The following PGLYRP4 variants were observed in gnomAD, a reference collection of about 807,000 sequenced individuals.
PGLYRP4 encodes the protein peptidoglycan recognition protein 4.
Under a neutral mutation model 41.2 loss-of-function variants are expected in PGLYRP4, and 39 were observed. The ratio of observed to expected loss-of-function variants is 0.95; its 90% confidence interval spans 0.73 to 1.24. The LOEUF is 1.24. PGLYRP4 is among the 50% of genes most tolerant of loss of function. The pLI is 0.00. For missense variants in PGLYRP4, 467 were observed against 460.7 expected (o/e 1.01, Z -0.13); for synonymous variants, 202 against 186.8 (o/e 1.08, Z -0.66).
intron 8 of PGLYRP4, among the ~76,000 whole-genome samples, chr1:153,334,478 T>TTTTATATATATATATATATTTA (rs1557823249): frequency 1.6e-5 from 2 of 122,264 alleles, no homozygotes; most frequent in Non-Finnish European, 3.6e-5. Flanking sequence ...TTATATATAT[T>TTTTATATATATATATATATTTA]TATATATATA....
At position 153,337,292 on chromosome 1, in the gene PGLYRP4, C is replaced by T. The variant is rs1430296979; in HGVS notation, c.832G>A (p.Val278Met). Residue 278 changes from valine (V) to methionine (M), a missense_variant, in exon 8 of 9, where the codon GTG becomes ATG. By Grantham distance (21) the Val-to-Met change is conservative. Transcript: ENST00000359650. Reference sequence around the variant, plus strand: ...TCATAAATGGCGCCATCCTGGCCCACCAGGAAGCTAGAGGACCACAAGGGG... The same window carrying T: ...TCATAAATGGCGCCATCCTGGCCCATCAGGAAGCTAGAGGACCACAAGGGG... ...KSCDIGYNFL[V>M]GQDGAIYEGV... is the part of the protein sequence containing the mutation. The T allele has an allele frequency of 1.2e-6, 2 of 1,603,618 alleles. No individual in the cohort carries two copies. The highest frequency in any genetic ancestry group is 2.2e-5 in the South Asian group (2 of 90,042).
intron 8 of PGLYRP4, 101 bp downstream of exon 8, chr1:153,337,080 A>G (rs1660597572): frequency 7.8e-6 from 7 of 897,440 alleles, no homozygotes; most frequent in Non-Finnish European, 9.4e-6. Context: ...AAGCATATGC[A>G]GGCACTAAAA....
intron 5 of PGLYRP4, among the ~76,000 whole-genome samples, chr1:153,342,214 G>A (rs2101571633): frequency 6.6e-6 from 1 of 152,344 alleles, no homozygotes; most frequent in East Asian, 1.9e-4. Context: ...GCTCTGAGAA[G>A]TAATGTGCTC....
chr1:153,337,281 A>G lies in PGLYRP4; in HGVS notation c.843T>C (p.Asp281=), dbSNP rs750680283. ...AGCCCACCCCTTCATAAATGGCGCC[A>G]TCCTGGCCCACCAGGAAGCTAGAGG... ...DIGYNFLVGQ[D]GAIYEGVGWN... is the part of the protein sequence containing the mutation. Residue 281 remains aspartate (D), a synonymous_variant, in exon 8 of 9, where the codon GAT becomes GAC. Coordinates refer to ENST00000359650, the MANE Select transcript of PGLYRP4 (RefSeq NM_020393.4). The G allele has an allele frequency of 1.2e-6, 2 of 1,609,052 alleles. No individual in the cohort carries two copies. Among genetic ancestry groups the G allele is most frequent in the Admixed American group, 1.7e-5 (1 of 58,440 alleles).
rs140665438 is a variant in PGLYRP4 at position 153,337,233 on chromosome 1, G to A, written c.891C>T (p.Thr297=). The A allele has an allele frequency of 5.0e-6, 8 of 1,613,762 alleles. No individual in the cohort carries two copies. The African/African-American group carries it at 9.3e-5, about 19-fold the overall frequency. The change falls in exon 8 of 9, where the codon ACC becomes ACT. Residue 297 remains threonine, a synonymous_variant. Coordinates refer to ENST00000359650, the MANE Select transcript of PGLYRP4 (RefSeq NM_020393.4). ...GVGWNVQGSS[T]PGYDDIALGI... Reference sequence around the variant, plus strand: ...CCAGGGCAATGTCATCGTAGCCAGGGGTGGAGGAGCCTTGGACATTCCAGC... The same window carrying A: ...CCAGGGCAATGTCATCGTAGCCAGGAGTGGAGGAGCCTTGGACATTCCAGC...
Position 153,341,610 on chromosome 1 carries a change from C to A in PGLYRP4, c.625+17G>T. Reference sequence around the variant, plus strand: ...GAGCCCAGTGGCAGGCCCAGTAGGGCTGAAGAAAGGTCTTACCCTTCTTCA... The same window carrying A: ...GAGCCCAGTGGCAGGCCCAGTAGGGATGAAGAAAGGTCTTACCCTTCTTCA... On this transcript the variant is annotated intron_variant, in intron 6 of 8. Transcript: ENST00000359650. The A allele has an allele frequency of 5.6e-6, 9 of 1,601,700 alleles. 1 individual carries two copies. The highest frequency in any genetic ancestry group is 2.2e-5 in the South Asian group (2 of 89,194).
intron 2 of PGLYRP4, among the ~76,000 whole-genome samples, chr1:153,347,433 G>A (rs540300222): frequency 7.2e-5 from 11 of 152,170 alleles, no homozygotes; most frequent in African/African-American, 2.4e-4. Context: ...GCAGTGGCAC[G>A]ATCTCATCTC....
rs1426441089 is a variant in PGLYRP4 at position 153,340,490 on chromosome 1, T to A, written c.715A>T (p.Ile239Phe). 1.2e-6 allele frequency: 2 copies of A among 1,614,148 alleles called. No homozygotes were observed. Among genetic ancestry groups the A allele is most frequent in the Middle Eastern group, 1.6e-4 (1 of 6,062 alleles). Residue 239 changes from isoleucine to phenylalanine, a missense_variant, in exon 7 of 9, where the codon ATC becomes TTC. Physicochemically the swap from Ile to Phe is conservative, Grantham distance 21. Transcript: ENST00000359650. The part of the protein sequence containing the change: ...MTLPAKYGII[I>F]HTAGRTCNIS... ...TTGCAGGTCCTCCCGGCAGTGTGGA[T>A]AATGATGCCATACTTCGCTGGGAGA...
chr1:153,335,223 C>A (rs190252615), intron 8 of PGLYRP4, among the ~76,000 whole-genome samples: 1 of 152,138 alleles, frequency 6.6e-6, no homozygotes, highest in African/African-American at 2.4e-5. Context: ...AATATTTCTT[C>A]ACAGCAAAAG....
At chr1:153,337,063 G>A in intron 8 of PGLYRP4, 118 bp downstream of exon 8, 8 of 822,162 alleles carry the variant, frequency 9.7e-6, no homozygotes, top group Middle Eastern at 3.3e-4. Flanking sequence ...TGGAAGCTGG[G>A]TCAATCAAGC....
chr1:153,330,973 C>T (rs1660313075), intron 8 of PGLYRP4, 28 bp from the exon 9 acceptor site: 1 of 1,586,976 alleles, frequency 6.3e-7, no homozygotes, highest in African/African-American at 1.3e-5. Context: ...CCATTGTCTA[C>T]AGGATTACAG....
chr1:153,348,121 C>G (rs1483473464), intron 1 of PGLYRP4, 143 bp from the exon 2 acceptor site: 15 of 600,746 alleles, frequency 2.5e-5, no homozygotes, highest in Non-Finnish European at 6.0e-6. Flanking sequence ...CTTCTCAGGG[C>G]CCCCAGCATA....
In PGLYRP4 at chr1:153,345,149, G is replaced by A. The variant is rs763161645; in HGVS notation, c.353+20C>T. 6.3e-7 allele frequency: 1 copy of A among 1,585,312 alleles called. No individual in the cohort carries two copies. The highest frequency in any genetic ancestry group is 8.6e-7 in the Non-Finnish European group (1 of 1,161,818). ...AAGCAACACTGACCATGTGCCGTGG[G>A]ACCCAGACCCAGCTCTTACTTGTAG... On this transcript the variant is annotated intron_variant, in intron 4 of 8. Transcript: ENST00000359650.
In PGLYRP4 at chr1:153,340,544, C is replaced by T; in HGVS notation, c.661G>A (p.Ala221Thr). Reference sequence around the variant, plus strand: ...ATCCTGGGACAGTGGGTCTCCCTGGCTCCCCACACAGACCGTGGGACAACG... The same window carrying T: ...ATCCTGGGACAGTGGGTCTCCCTGGTTCCCCACACAGACCGTGGGACAACG... ...PGVVPRSVWG[A>T]RETHCPRMTL... Residue 221 changes from alanine (A) to threonine (T), a missense_variant, in exon 7 of 9, where the codon GCC becomes ACC. Coordinates refer to ENST00000359650, the MANE Select transcript of PGLYRP4 (RefSeq NM_020393.4). The T allele has an allele frequency of 6.2e-7, 1 of 1,614,110 alleles. No individual in the cohort carries two copies. The highest frequency in any genetic ancestry group is 8.5e-7 in the Non-Finnish European group (1 of 1,180,028).
At chr1:153,348,360 C>T (rs955667490) in intron 1 of PGLYRP4, among the ~76,000 whole-genome samples, 168 bp downstream of exon 1, 1 of 152,102 alleles carries the variant, frequency 6.6e-6, no homozygotes, top group Non-Finnish European at 1.5e-5. Context: ...GGGTCTTATG[C>T]AGAGAATCCC....
rs940636929 is a variant in PGLYRP4, at chr1:153,331,096, C to G, written c.944-151G>C. The G allele has an allele frequency of 7.3e-6, 4 of 550,232 alleles. No individual in the cohort carries two copies. The East Asian group carries it at 1.2e-4, about 16-fold the overall frequency. The allele number at this position is 550,232 out of a possible 1,614,324, so 34.1% of individuals were successfully genotyped here. On this transcript the variant is annotated intron_variant, in intron 8 of 8. Transcript: ENST00000359650. ...GGCAAAAAAAACAAGGTCAAGACTT[C>G]AGATTTCTTAGTGCCAAAGTTTTCC...
intron 2 of PGLYRP4, among the ~76,000 whole-genome samples, chr1:153,347,046 T>G (rs989365666): frequency 3.3e-5 from 5 of 152,176 alleles, no homozygotes; most frequent in Non-Finnish European, 7.3e-5. Context: ...GAGTAGGTTT[T>G]GGGGGATTTT....
intron 4 of PGLYRP4, among the ~76,000 whole-genome samples, chr1:153,344,019 G>C (rs1660905696): frequency 6.6e-6 from 1 of 152,150 alleles, no homozygotes; most frequent in South Asian, 2.1e-4. Flanking sequence ...GTGGGGATAT[G>C]CCTGCAGCTG....
intron 7 of PGLYRP4, among the ~76,000 whole-genome samples, chr1:153,338,520 C>G (rs1358965590): frequency 6.6e-6 from 1 of 152,246 alleles, no homozygotes; most frequent in Non-Finnish European, 1.5e-5. Context: ...TCCCTCAGCA[C>G]TGAGTGCACA....
Sources: gnomAD v4.1 joint callset for allele counts (sites outside exome capture counted in the v4.1 genomes callset) on GRCh38, gnomAD v4.1.1 for gene constraint, MANE v1.5 for transcripts, NCBI Gene and HGNC (gene_info 2026-07-23, HGNC 2026-07-21) for gene names.